The following MTA3 variants were observed in gnomAD, a reference collection of about 807,000 sequenced individuals.
MTA3 encodes metastasis associated 1 family member 3, also known as metastasis-associated protein MTA3.
MTA3 carries 34 observed loss-of-function variants against 83.5 expected under a neutral mutation model. That is an observed-to-expected ratio of 0.41 (90% CI 0.31 to 0.54). MTA3 has a LOEUF of 0.54. Among genes scored for constraint, MTA3 ranks in the 20% least tolerant of loss-of-function variants. MTA3 has a pLI of 0.33. For missense variants in MTA3, 761 were observed against 726.4 expected (o/e 1.05, Z -0.55); for synonymous variants, 303 against 252.7 (o/e 1.20, Z -1.89).
intron 5 of MTA3, among the ~76,000 whole-genome samples, chr2:42,643,758 G>A (rs759558572): frequency 5.3e-5 from 8 of 152,160 alleles, no homozygotes; most frequent in Admixed American, 2.0e-4. Context: ...CTTCTGTTTG[G>A]TGTGGACTTC....
intron 2 of MTA3, among the ~76,000 whole-genome samples, chr2:42,576,126 A>G (rs1185970178): frequency 6.6e-6 from 1 of 152,238 alleles, no homozygotes; most frequent in African/African-American, 2.4e-5. Context: ...AGGCTCAGAG[A>G]TAGAATGTGA....
At chr2:42,714,070 G>T (rs982986557) in intron 14 of MTA3, among the ~76,000 whole-genome samples, 3 of 152,106 alleles carry the variant, frequency 2.0e-5, no homozygotes, top group African/African-American at 7.2e-5. Context: ...AACTTTGCTG[G>T]CAGTGTTACC....
At chr2:42,604,324 T>G (rs1573200030) in intron 3 of MTA3, among the ~76,000 whole-genome samples, 2 of 152,262 alleles carry the variant, frequency 1.3e-5, no homozygotes, top group African/African-American at 4.8e-5. Flanking sequence ...ATTACAGGCA[T>G]GAGCCACTGC....
At chr2:42,617,623 A>G (rs1685056818) in intron 4 of MTA3, among the ~76,000 whole-genome samples, 1 of 151,862 alleles carries the variant, frequency 6.6e-6, no homozygotes, top group Non-Finnish European at 1.5e-5. Context: ...CTAAAAATAC[A>G]AAATTAGCCG....
At chr2:42,737,732 C>G (rs907148410) in intron 16 of MTA3, among the ~76,000 whole-genome samples, 1 of 151,972 alleles carries the variant, frequency 6.6e-6, no homozygotes, top group Admixed American at 6.6e-5. Flanking sequence ...AATAGAAGCT[C>G]AAGAAGGTTG....
chr2:42,708,597 G>C (rs1391218167), intron 13 of MTA3, among the ~76,000 whole-genome samples: 1 of 152,070 alleles, frequency 6.6e-6, no homozygotes, highest in African/African-American at 2.4e-5. Context: ...AAAAAGTGTA[G>C]TTAACCCCCT....
chr2:42,519,847 A>C (rs1675333923), intron 2 of MTA3, among the ~76,000 whole-genome samples: 1 of 152,112 alleles, frequency 6.6e-6, no homozygotes, highest in African/African-American at 2.4e-5. Flanking sequence ...TCAGGAGTTC[A>C]AGACCATCCT....
chr2:42,628,958 G>C (rs1686401457), intron 4 of MTA3, among the ~76,000 whole-genome samples: 1 of 152,138 alleles, frequency 6.6e-6, no homozygotes. Flanking sequence ...TCGGTAGATG[G>C]GAGTAGATTG....
chr2:42,712,536 T>C (rs1267705031), intron 14 of MTA3, among the ~76,000 whole-genome samples: 2 of 152,144 alleles, frequency 1.3e-5, no homozygotes, highest in East Asian at 3.8e-4. Flanking sequence ...TAAATATTAT[T>C]TTAATAATCT....
At chr2:42,540,403 G>A (rs1291536547) in intron 2 of MTA3, among the ~76,000 whole-genome samples, 1 of 151,548 alleles carries the variant, frequency 6.6e-6, no homozygotes, top group Non-Finnish European at 1.5e-5. Context: ...TGAACTCCTG[G>A]TCTCAAGCAA....
chr2:42,753,479 A>T lies in MTA3; in HGVS notation c.*80A>T. ...TCACAGCCGTGCCTGGGAAGAAGGCAGCCCCACTCCCAGTACATTTCAGTG... is the reference window on the plus strand; with the variant it reads ...TCACAGCCGTGCCTGGGAAGAAGGCTGCCCCACTCCCAGTACATTTCAGTG... On this transcript the variant is annotated 3_prime_UTR_variant, in exon 17 of 17. Transcript: ENST00000405094. The T allele has an allele frequency of 6.5e-7, 1 of 1,548,444 alleles. No individual in the cohort carries two copies. Among genetic ancestry groups the T allele is most frequent in the Admixed American group, 2.0e-5 (1 of 50,874 alleles).
In MTA3 at chr2:42,608,373, C is replaced by T. The variant is rs544307576; in HGVS notation, c.191-1085C>T. 3.3e-5 allele frequency among the ~76,000 whole-genome samples: 5 copies of T among 152,294 alleles called. No homozygotes were observed. The South Asian group carries it at 1.0e-3, about 32-fold the overall frequency. On this transcript the variant is annotated intron_variant, in intron 3 of 16. Coordinates refer to ENST00000405094, the MANE Select transcript of MTA3 (RefSeq NM_001330442.2). ...ATGGCCCTTTTAGTGCTATATTTCTCTTTGAGTAGTTCATTAAAAAGAATA... is the reference window on the plus strand; with the variant it reads ...ATGGCCCTTTTAGTGCTATATTTCTTTTTGAGTAGTTCATTAAAAAGAATA...
chr2:42,535,004 G>T (rs928890141), intron 2 of MTA3, among the ~76,000 whole-genome samples: 5 of 152,090 alleles, frequency 3.3e-5, no homozygotes, highest in Admixed American at 2.6e-4. Context: ...AAGGAATCTA[G>T]ATCCTGGATG....
intron 6 of MTA3, among the ~76,000 whole-genome samples, chr2:42,645,659 A>C (rs892175816): frequency 1.3e-5 from 2 of 152,210 alleles, no homozygotes; most frequent in African/African-American, 2.4e-5. Flanking sequence ...CCAAAGCCTA[A>C]TCCAGAGCAG....
At chr2:42,721,238 C>T (rs1019866330) in intron 15 of MTA3, among the ~76,000 whole-genome samples, 2 of 151,032 alleles carry the variant, frequency 1.3e-5, no homozygotes, top group Admixed American at 6.6e-5. Context: ...CAGGTAAGAA[C>T]AATAAAACAA....
chr2:42,517,754 T>A (rs1675215973), intron 2 of MTA3, among the ~76,000 whole-genome samples: 1 of 148,894 alleles, frequency 6.7e-6, no homozygotes, highest in Non-Finnish European at 1.5e-5. Context: ...GGCGGGAGCC[T>A]GTAATCCCAG....
intron 2 of MTA3, among the ~76,000 whole-genome samples, chr2:42,525,263 G>C (rs933220763): frequency 1.3e-5 from 2 of 151,238 alleles, no homozygotes; most frequent in African/African-American, 2.4e-5. Context: ...GCAGTGGCAC[G>C]ATCTCAGCTC....
intron 2 of MTA3, among the ~76,000 whole-genome samples, chr2:42,529,821 A>G (rs1289929849): frequency 1.3e-5 from 2 of 152,208 alleles, no homozygotes; most frequent in East Asian, 1.9e-4. Flanking sequence ...AAGAAAATCT[A>G]AAAGGTTTAA....
chr2:42,568,916 GC>G, intron 1 of MTA3, 143 bp downstream of exon 1: 1 of 834,626 alleles, frequency 1.2e-6, no homozygotes. Flanking sequence ...CCGCAGAGGG[GC>G]CGGGACTCCC....
Sources: gnomAD v4.1 joint callset for allele counts (sites outside exome capture counted in the v4.1 genomes callset) on GRCh38, gnomAD v4.1.1 for gene constraint, MANE v1.5 for transcripts, NCBI Gene and HGNC (gene_info 2026-07-23, HGNC 2026-07-21) for gene names.